Variants in RBM33 observed in about 807,000 individuals in gnomAD.
The protein encoded by RBM33 is RNA-binding protein 33.
Under a neutral mutation model 132.6 loss-of-function variants are expected in RBM33, and 28 were observed. That is an observed-to-expected ratio of 0.21 (90% CI 0.16 to 0.29). The LOEUF is 0.29. RBM33 is among the 10% of genes least tolerant of loss of function. RBM33 has a pLI of 1.00. For synonymous variants in RBM33, 634 were observed against 593.0 expected, an observed-to-expected ratio of 1.07 and a Z score of -1.01; for missense variants, 1,291 against 1,518.5, an observed-to-expected ratio of 0.85 and a Z score of 2.49.
intron 14 of RBM33, among the ~76,000 whole-genome samples, chr7:155,756,747 G>A (rs1254924659): frequency 2.0e-5 from 3 of 152,142 alleles, no homozygotes; most frequent in East Asian, 1.9e-4. Flanking sequence ...AACCCCAGGC[G>A]AAAGCACAAG....
At chr7:155,716,321 T>TTTTTTTTG (rs1554477965) in intron 8 of RBM33, among the ~76,000 whole-genome samples, 1 of 147,470 alleles carries the variant, frequency 6.8e-6, no homozygotes, top group Non-Finnish European at 1.5e-5. Flanking sequence ...CTGCTGTTTT[T>TTTTTTTTG]TTTTTTTTTT....
intron 5 of RBM33, 148 bp downstream of exon 5, chr7:155,681,056 A>C (rs148765260): frequency 4.5e-6 from 3 of 661,046 alleles, no homozygotes; most frequent in African/African-American, 3.6e-5. Context: ...TATCTGAGCT[A>C]TGACAAAGTT....
intron 13 of RBM33, among the ~76,000 whole-genome samples, chr7:155,743,561 C>G (rs1428541843): frequency 1.3e-5 from 2 of 152,158 alleles, no homozygotes; most frequent in Non-Finnish European, 2.9e-5. Flanking sequence ...TTAATTTTCT[C>G]TCTCTATATA....
chr7:155,751,309 G>A (rs1801679652), intron 14 of RBM33, among the ~76,000 whole-genome samples: 1 of 152,172 alleles, frequency 6.6e-6, no homozygotes, highest in Non-Finnish European at 1.5e-5. Context: ...AGAGTAGGTT[G>A]GAGACATGGT....
chr7:155,674,810 G>A (rs1799131046), intron 3 of RBM33, among the ~76,000 whole-genome samples: 1 of 152,130 alleles, frequency 6.6e-6, no homozygotes. Context: ...GGACATTTTG[G>A]AAGTGTGTTT....
rs3080619 is a variant in RBM33, at chr7:155,661,146, A to ATTT, written c.44-4018_44-4016dup. Among the ~76,000 whole-genome samples the ATTT allele has an allele frequency of 6.6e-3, 537 of 81,148 alleles. 15 individuals carry two copies. Among genetic ancestry groups the ATTT allele is most frequent in the African/African-American group, 0.018 (438 of 24,060 alleles). The allele number at this position is 81,148 out of a possible 152,430, so 53.2% of individuals were successfully genotyped here. On this transcript the variant is annotated intron_variant, in intron 1 of 17. Transcript: ENST00000401878. The stretch of plus-strand genomic sequence containing the variant: ...TGTGTGTGTGTATATATATATATAT[A>ATTT]TTTTTTTTTTTTTGAGACAGAGTCT...
chr7:155,660,629 G>A (rs922484581), intron 1 of RBM33, among the ~76,000 whole-genome samples: 12 of 152,148 alleles, frequency 7.9e-5, no homozygotes, highest in East Asian at 1.9e-4. Flanking sequence ...TCCATTGTAG[G>A]TGATGAGTCA....
Position 155,774,163 on chromosome 7 carries a change from G to T in RBM33, c.3376-396G>T, listed in dbSNP as rs1286766597. Among the ~76,000 whole-genome samples, 4 of 152,216 alleles carry T rather than the reference G, an allele frequency of 2.6e-5. No individual in the cohort carries two copies. Among genetic ancestry groups the T allele is most frequent in the African/African-American group, 9.6e-5 (4 of 41,452 alleles). On this transcript the variant is annotated intron_variant, in intron 16 of 17. Coordinates refer to ENST00000401878, the MANE Select transcript of RBM33 (RefSeq NM_053043.3). The surrounding 1 kb of genome is among the most constrained non-coding windows in gnomAD (Gnocchi z 4.2). Reference sequence around the variant, plus strand: ...TAAACAGTTTCCTCTGGTGTGATGAGTCCTGTTCTTAAAAAATTCATGGGG... The same window carrying T: ...TAAACAGTTTCCTCTGGTGTGATGATTCCTGTTCTTAAAAAATTCATGGGG...
intron 1 of RBM33, among the ~76,000 whole-genome samples, chr7:155,646,779 T>C (rs930585773): frequency 1.3e-5 from 2 of 152,256 alleles, no homozygotes; most frequent in Non-Finnish European, 2.9e-5. Context: ...CAGTTTTTAC[T>C]TGTTTTTTAA....
rs2117032153 is a variant in RBM33 at position 155,742,139 on chromosome 7, C to G, written c.2337+33C>G. 1.9e-6 allele frequency: 3 copies of G among 1,565,380 alleles called. No homozygotes were observed. In the East Asian group the frequency reaches 6.9e-5, roughly 36 times the overall value. ...ACTGCTCTTATTAACAAATGTTGGT[C>G]TCAAACAAGAAGCCTTAGAATCAAC... is the stretch of plus-strand genomic sequence containing the variant. On this transcript the variant is annotated intron_variant, in intron 13 of 17. Coordinates refer to ENST00000401878, the MANE Select transcript of RBM33 (RefSeq NM_053043.3).
At chr7:155,661,084 T>C in intron 1 of RBM33, among the ~76,000 whole-genome samples, 1 of 141,388 alleles carries the variant, frequency 7.1e-6, no homozygotes, top group East Asian at 2.0e-4. Flanking sequence ...AAATAATTTC[T>C]GTGTGTGTGT....
chr7:155,694,655 A>G (rs1799742365), intron 5 of RBM33, among the ~76,000 whole-genome samples: 1 of 152,192 alleles, frequency 6.6e-6, no homozygotes, highest in South Asian at 2.1e-4. Flanking sequence ...CTAGTCTGGA[A>G]CATCACCTAA....
intron 3 of RBM33, among the ~76,000 whole-genome samples, chr7:155,676,032 A>G (rs192489645): frequency 7.2e-4 from 110 of 152,280 alleles, no homozygotes; most frequent in Non-Finnish European, 1.4e-3. Flanking sequence ...TACAGGGTCT[A>G]TGAATGGAGT....
intron 13 of RBM33, among the ~76,000 whole-genome samples, chr7:155,743,141 A>G (rs748454765): frequency 2.0e-4 from 30 of 152,280 alleles, no homozygotes; most frequent in Non-Finnish European, 1.0e-4. Flanking sequence ...AAGTTGAAAT[A>G]TTAACATACA....
At chr7:155,645,842 G>A (rs1439447709) in intron 1 of RBM33, among the ~76,000 whole-genome samples, 1 of 152,216 alleles carries the variant, frequency 6.6e-6, no homozygotes, top group African/African-American at 2.4e-5. Flanking sequence ...GTAAATGCTA[G>A]CAGATGGTTA....
intron 14 of RBM33, among the ~76,000 whole-genome samples, chr7:155,763,350 C>A (rs1001545045): frequency 2.6e-5 from 4 of 152,160 alleles, no homozygotes; most frequent in African/African-American, 9.7e-5. Context: ...ACAGTCGCAA[C>A]CAGCAGGAGT....
At chr7:155,768,830 G>A (rs1453255165) in intron 16 of RBM33, among the ~76,000 whole-genome samples, 4 of 152,030 alleles carry the variant, frequency 2.6e-5, no homozygotes, top group African/African-American at 9.7e-5. Flanking sequence ...AGCCAGGATG[G>A]TCTTGATCTC....
chr7:155,753,431 C>T (rs1394123242), intron 14 of RBM33, among the ~76,000 whole-genome samples: 4 of 152,194 alleles, frequency 2.6e-5, no homozygotes, highest in Non-Finnish European at 4.4e-5. Flanking sequence ...GGGGAACCCA[C>T]GTTTTTTAGC....
chr7:155,713,063 G>A (rs924554877), intron 8 of RBM33, among the ~76,000 whole-genome samples: 3 of 152,148 alleles, frequency 2.0e-5, no homozygotes, highest in African/African-American at 4.8e-5. Flanking sequence ...AGATGGGGCC[G>A]ATGGGATTTG....
Sources: gnomAD v4.1 joint callset for allele counts (sites outside exome capture counted in the v4.1 genomes callset) on GRCh38, gnomAD v4.1.1 for gene constraint, Gnocchi (gnomAD v3.1) non-coding constraint, MANE v1.5 for transcripts, NCBI Gene and HGNC (gene_info 2026-07-23, HGNC 2026-07-21) for gene names.